Variants in PIP4K2A observed in about 807,000 individuals in gnomAD.
PIP4K2A encodes phosphatidylinositol 5-phosphate 4-kinase type-2 alpha.
Under a neutral mutation model 42.9 loss-of-function variants are expected in PIP4K2A, and 14 were observed. The observed-to-expected ratio is 0.33, with a 90% CI of 0.22 to 0.51. PIP4K2A has a LOEUF of 0.51. PIP4K2A is among the 20% of genes least tolerant of loss of function. The pLI, the probability that PIP4K2A is intolerant of heterozygous loss-of-function variation, is 0.97. For missense variants in PIP4K2A, 434 were observed against 519.8 expected, an observed-to-expected ratio of 0.83 and a Z score of 1.61; for synonymous variants, 192 against 192.2, an observed-to-expected ratio of 1.00 and a Z score of 0.01.
At chr10:22,674,233 G>C (rs976164123) in intron 1 of PIP4K2A, among the ~76,000 whole-genome samples, 1 of 152,014 alleles carries the variant, frequency 6.6e-6, no homozygotes, top group Non-Finnish European at 1.5e-5. Flanking sequence ...TATTCACAAA[G>C]CATTAACTAG....
chr10:22,563,872 C>T (rs530794039), intron 6 of PIP4K2A, among the ~76,000 whole-genome samples: 1 of 152,300 alleles, frequency 6.6e-6, no homozygotes, highest in South Asian at 2.1e-4. Context: ...AACGGTCTGG[C>T]ATATAGTTTG....
In PIP4K2A at chr10:22,607,802, A is replaced by C. The variant is rs1449366581; in HGVS notation, c.339+125T>G. 15 of 586,416 alleles carry C rather than the reference A, an allele frequency of 2.6e-5. No homozygotes were observed. In the East Asian group the frequency reaches 4.1e-4, roughly 16 times the overall value. The allele number at this position is 586,416 out of a possible 1,614,324, so 36.3% of individuals were successfully genotyped here. ...TCAGCATGAACATTAAAAACTTCTTACACAAAATGAAAATTACTATTATAT... is the reference window on the plus strand; with the variant it reads ...TCAGCATGAACATTAAAAACTTCTTCCACAAAATGAAAATTACTATTATAT... On this transcript the variant is annotated intron_variant, in intron 3 of 9. Transcript: ENST00000376573.
At chr10:22,685,574 C>T (rs565675150) in intron 1 of PIP4K2A, among the ~76,000 whole-genome samples, 18 of 152,044 alleles carry the variant, frequency 1.2e-4, no homozygotes, top group Admixed American at 2.0e-4. Context: ...ATTCGCTGGG[C>T]ATGGTGGCAT....
chr10:22,566,608 T>C (rs1242144669), intron 6 of PIP4K2A, among the ~76,000 whole-genome samples: 1 of 152,178 alleles, frequency 6.6e-6, no homozygotes, highest in Admixed American at 6.5e-5. Context: ...TTCATCAGCC[T>C]CTCTGACAGG....
At chr10:22,701,447 A>G (rs944646753) in intron 1 of PIP4K2A, among the ~76,000 whole-genome samples, 2 of 152,122 alleles carry the variant, frequency 1.3e-5, no homozygotes, top group African/African-American at 4.8e-5. Context: ...GTTATCCAAC[A>G]ATGTCTGTTA....
At chr10:22,606,716 C>T (rs1837915119) in intron 3 of PIP4K2A, among the ~76,000 whole-genome samples, 1 of 152,146 alleles carries the variant, frequency 6.6e-6, no homozygotes, top group South Asian at 2.1e-4. Flanking sequence ...TGTAGTCACC[C>T]AGGGTGGCAA....
intron 1 of PIP4K2A, among the ~76,000 whole-genome samples, chr10:22,699,008 G>T (rs1056670204): frequency 6.6e-6 from 1 of 152,184 alleles, no homozygotes; most frequent in Non-Finnish European, 1.5e-5. Context: ...TCATTGGCAT[G>T]TGTTAAATCT....
At chr10:22,652,600 C>T (rs2130814873) in intron 1 of PIP4K2A, among the ~76,000 whole-genome samples, 1 of 152,266 alleles carries the variant, frequency 6.6e-6, no homozygotes, top group African/African-American at 2.4e-5. Flanking sequence ...ATTTCACAGG[C>T]TGAAGGTACA....
At chr10:22,618,464 C>G (rs1438177423) in intron 1 of PIP4K2A, among the ~76,000 whole-genome samples, 1 of 152,192 alleles carries the variant, frequency 6.6e-6, no homozygotes, top group African/African-American at 2.4e-5. Flanking sequence ...GCTGGAAGTT[C>G]TGACTTGTTT....
intron 1 of PIP4K2A, among the ~76,000 whole-genome samples, chr10:22,650,851 C>G (rs61847509): frequency 6.6e-6 from 1 of 151,110 alleles, no homozygotes; most frequent in African/African-American, 2.4e-5. Flanking sequence ...TTTTTTTCCC[C>G]TACCTTTTAC....
intron 6 of PIP4K2A, among the ~76,000 whole-genome samples, chr10:22,561,892 T>C (rs1836714207): frequency 6.6e-6 from 1 of 152,154 alleles, no homozygotes; most frequent in Non-Finnish European, 1.5e-5. Flanking sequence ...CTTTGTACCA[T>C]AACGATCATT....
At chr10:22,620,493 C>T (rs942877529) in intron 1 of PIP4K2A, among the ~76,000 whole-genome samples, 3 of 152,204 alleles carry the variant, frequency 2.0e-5, no homozygotes, top group African/African-American at 4.8e-5. Context: ...CTCTTGATCT[C>T]GCTTTATACT....
chr10:22,612,639 T>G (rs1838078819), intron 1 of PIP4K2A, among the ~76,000 whole-genome samples: 1 of 152,136 alleles, frequency 6.6e-6, no homozygotes, highest in South Asian at 2.1e-4. Flanking sequence ...GACTCCGGCA[T>G]GCTGAAGTGC....
Position 22,595,083 on chromosome 10 carries a change from C to A in PIP4K2A, c.340-3302G>T, listed in dbSNP as rs115026785. Among the ~76,000 whole-genome samples, 816 of 152,264 alleles carry A rather than the reference C, an allele frequency of 5.4e-3. 10 individuals carry two copies. The highest frequency in any genetic ancestry group is 0.019 in the African/African-American group (771 of 41,538). ...TACATAAATCAAGTGTATTAAAAGC[C>A]TTATCTGATAAGGAGGAAATCAAAA... On this transcript the variant is annotated intron_variant, in intron 3 of 9. Transcript: ENST00000376573.
chr10:22,661,472 T>C (rs1839204132), intron 1 of PIP4K2A, among the ~76,000 whole-genome samples: 1 of 150,380 alleles, frequency 6.6e-6, no homozygotes, highest in Non-Finnish European at 1.5e-5. Context: ...TCCTCCTGCC[T>C]CAGTCTTCTG....
intron 6 of PIP4K2A, among the ~76,000 whole-genome samples, chr10:22,567,381 A>G (rs187697743): frequency 6.6e-6 from 1 of 152,312 alleles, no homozygotes; most frequent in Admixed American, 6.5e-5. Flanking sequence ...TCATGTCTTA[A>G]TAGTTGGAAA....
rs573546671 is a variant in PIP4K2A, at chr10:22,541,967, C to T, written c.873G>A (p.Val291=). Residue 291 remains valine (V), a synonymous_variant, in exon 8 of 10, where the codon GTG becomes GTA. Transcript: ENST00000376573. ...CCTCCCCATCGTTCTCCTCACACTC[C>T]ACTTCCTCCTGTTCGGCTCTCTCCA... The part of the protein sequence containing the change: ...HDVERAEQEE[V]ECEENDGEEE... 162 of 1,614,140 alleles carry T rather than the reference C, an allele frequency of 1.0e-4. 1 individual carries two copies. The South Asian group carries it at 1.4e-3, about 14-fold the overall frequency.
chr10:22,705,176 C>T (rs577820494), intron 1 of PIP4K2A, among the ~76,000 whole-genome samples: 1 of 152,002 alleles, frequency 6.6e-6, no homozygotes, highest in Non-Finnish European at 1.5e-5. Flanking sequence ...GAGTGGAGAA[C>T]ATATTAAAGG....
At chr10:22,556,129 G>A (rs1335518104) in intron 6 of PIP4K2A, among the ~76,000 whole-genome samples, 1 of 152,052 alleles carries the variant, frequency 6.6e-6, no homozygotes. Context: ...TTTTGTCACT[G>A]CACACTGCAC....
Sources: allele counts gnomAD v4.1 joint callset (sites outside exome capture counted in the v4.1 genomes callset), GRCh38; gene constraint gnomAD v4.1.1; transcripts MANE v1.5; gene names NCBI Gene and HGNC (gene_info 2026-07-23, HGNC 2026-07-21).